The following WDR31 variants were observed in gnomAD, a reference collection of about 807,000 sequenced individuals.
The protein encoded by WDR31 is WD repeat-containing protein 31.
In WDR31, 30 loss-of-function variants were observed where a neutral mutation model predicts 47.3. That is an observed-to-expected ratio of 0.63 (90% CI 0.47 to 0.86). WDR31 has a LOEUF of 0.86. WDR31 is among the 40% of genes least tolerant of loss of function. The pLI is 0.00. For synonymous variants in WDR31, 137 were observed against 159.4 expected, an observed-to-expected ratio of 0.86 and a Z score of 1.06; for missense variants, 406 against 442.9, an observed-to-expected ratio of 0.92 and a Z score of 0.75.
chr9:113,335,756 C>T (rs1185745940), intron 2 of WDR31, among the ~76,000 whole-genome samples: 1 of 152,184 alleles, frequency 6.6e-6, no homozygotes, highest in East Asian at 1.9e-4. Context: ...TGCCTCATCC[C>T]ATTATGTGTC....
At chr9:113,328,326 C>T (rs1833521799) in intron 5 of WDR31, among the ~76,000 whole-genome samples, 1 of 152,098 alleles carries the variant, frequency 6.6e-6, no homozygotes, top group Admixed American at 6.6e-5. Context: ...GTGGCTGATG[C>T]CTAGTTTCAT....
In WDR31 at chr9:113,320,358, G is replaced by A. The variant is rs1477065154; in HGVS notation, c.779C>T (p.Thr260Met). The A allele has an allele frequency of 2.2e-5, 36 of 1,613,900 alleles. No homozygotes were observed. In the Admixed American group the frequency reaches 3.3e-4, roughly 15 times the overall value. The change falls in exon 9 of 11, where the codon ACG becomes ATG. Residue 260 changes from threonine (T) to methionine (M), a missense_variant and splice_region_variant. Thr to Met is a moderately conservative substitution (Grantham distance 81, BLOSUM62 -1). Transcript: ENST00000374193. ...CCTGGACCTCACACAGTCTCCTACCGTGGCTTCACAGCCTTCTCCTCCAAA... is the reference window on the plus strand; with the variant it reads ...CCTGGACCTCACACAGTCTCCTACCATGGCTTCACAGCCTTCTCCTCCAAA... ...NGFGGEGCEA[T>M]LWDLRQTRNR...
intron 1 of WDR31, among the ~76,000 whole-genome samples, chr9:113,338,189 T>C (rs1487049109): frequency 1.3e-5 from 2 of 152,234 alleles, no homozygotes; most frequent in Non-Finnish European, 2.9e-5. Context: ...ATACTGTTCA[T>C]AATGCACAAA....
chr9:113,322,548 A>C (rs1351204297), intron 7 of WDR31, among the ~76,000 whole-genome samples: 1 of 152,202 alleles, frequency 6.6e-6, no homozygotes, highest in Non-Finnish European at 1.5e-5. Context: ...CCCACAGAAG[A>C]AACAGAATAA....
chr9:113,339,848 C>T (rs1326489185), intron 1 of WDR31, among the ~76,000 whole-genome samples: 1 of 152,212 alleles, frequency 6.6e-6, no homozygotes, highest in East Asian at 1.9e-4. Context: ...TCTAGCAGTT[C>T]TCCTGCTTCA....
Position 113,330,634 on chromosome 9 carries a change from G to A in WDR31, c.249+350C>T, listed in dbSNP as rs541160482. ...CTGTGTCTCCATGTAGGTGTAACAT[G>A]GGATTGGTGGTAAGTATAATCTTTG... is the stretch of plus-strand genomic sequence containing the variant. On this transcript the variant is annotated intron_variant, in intron 4 of 10. Transcript: ENST00000374193. 3.3e-5 allele frequency among the ~76,000 whole-genome samples: 5 copies of A among 152,328 alleles called. No homozygotes were observed. The East Asian group carries it at 9.6e-4, about 29-fold the overall frequency.
chr9:113,324,475 C>T (rs1256595306), intron 5 of WDR31, among the ~76,000 whole-genome samples: 1 of 150,682 alleles, frequency 6.6e-6, no homozygotes, highest in East Asian at 1.9e-4. Context: ...CTGCAACCTT[C>T]CCTTCCCGGG....
chr9:113,322,717 T>C (rs1424576334), intron 7 of WDR31, 94 bp downstream of exon 7: 42 of 1,294,734 alleles, frequency 3.2e-5, no homozygotes, highest in Non-Finnish European at 4.3e-5. Flanking sequence ...GGCTCTAATT[T>C]CTGCTCATGG....
chr9:113,320,625 T>C (rs1332219710), intron 8 of WDR31, 127 bp from the exon 9 acceptor site: 15 of 1,241,674 alleles, frequency 1.2e-5, no homozygotes, highest in Non-Finnish European at 2.2e-6. Flanking sequence ...TGGCATGATT[T>C]ACCTAAAAAC....
chr9:113,326,769 T>C (rs749864622), intron 5 of WDR31, among the ~76,000 whole-genome samples: 10 of 152,252 alleles, frequency 6.6e-5, no homozygotes, highest in Non-Finnish European at 2.9e-5. Context: ...CTACCCTGCC[T>C]GGCCAATTTT....
At chr9:113,325,486 T>C (rs1833441460) in intron 5 of WDR31, among the ~76,000 whole-genome samples, 1 of 152,042 alleles carries the variant, frequency 6.6e-6, no homozygotes, top group Admixed American at 6.5e-5. Flanking sequence ...TTTCCCTTTA[T>C]ATTTTTAATT....
At chr9:113,328,796 G>A in intron 5 of WDR31, 85 bp downstream of exon 5, 2 of 1,202,916 alleles carry the variant, frequency 1.7e-6, no homozygotes, top group Non-Finnish European at 2.4e-6. Context: ...TAAGACCAAA[G>A]ATTCAATCAC....
intron 1 of WDR31, among the ~76,000 whole-genome samples, chr9:113,337,240 T>C (rs189294746): frequency 3.9e-4 from 59 of 152,260 alleles, no homozygotes; most frequent in African/African-American, 1.4e-3. Context: ...AATAACTCTA[T>C]CATTGACTTC....
chr9:113,331,947 TC>T lies in WDR31; in HGVS notation c.75del (p.Lys26AsnfsTer20). The T allele has an allele frequency of 6.2e-7, 1 of 1,613,944 alleles. No individual in the cohort carries two copies. Among genetic ancestry groups the T allele is most frequent in the Admixed American group, 1.7e-5 (1 of 60,010 alleles). Reference protein sequence around the residue: ...KVSFRFCVVMGKQQSKLKHST... With the variant: ...KVSFRFCVVMXKQQSKLKHST... ...CTGTGTTTGAGTTTGCTTTGCTGTT[TC>T]CCCATCACGACACAAAACCTAAACG... On this transcript the variant is annotated frameshift_variant, in exon 3 of 11. Transcript: ENST00000374193. LOFTEE classifies it high-confidence loss of function.
chr9:113,332,239 T>A (rs1293857149), intron 2 of WDR31, among the ~76,000 whole-genome samples, 189 bp from the exon 3 acceptor site: 1 of 152,130 alleles, frequency 6.6e-6, no homozygotes, highest in African/African-American at 2.4e-5. Context: ...GACTAAGAAG[T>A]CCTGTAATAA....
At position 113,331,041 on chromosome 9, in the gene WDR31, G is replaced by A. The variant is rs756403493; in HGVS notation, c.192C>T (p.Thr64=). Residue 64 remains threonine, a synonymous_variant, in exon 4 of 11, where the codon ACC becomes ACT. Transcript: ENST00000374193. The part of the protein sequence containing the change: ...FQEYSPAHMD[T]VSVVAALNSD... ...AGTTCAAAGCAGCCACGACAGAGAC[G>A]GTATCCATGTGAGCTGGGCTATACT... 55 of 1,611,904 alleles carry A rather than the reference G, an allele frequency of 3.4e-5. No individual in the cohort carries two copies. Among genetic ancestry groups the A allele is most frequent in the Middle Eastern group, 1.6e-4 (1 of 6,068 alleles).
At chr9:113,328,631 C>A (rs1833528322) in intron 5 of WDR31, among the ~76,000 whole-genome samples, 1 of 152,188 alleles carries the variant, frequency 6.6e-6, no homozygotes, top group African/African-American at 2.4e-5. Context: ...GAGTTGTTAT[C>A]AGCTGTGTTC....
intron 5 of WDR31, among the ~76,000 whole-genome samples, chr9:113,325,895 A>T (rs1833450843): frequency 6.7e-6 from 1 of 148,906 alleles, no homozygotes; most frequent in South Asian, 2.1e-4. Context: ...TTCATCATTC[A>T]TTCACATTCT....
Position 113,313,324 on chromosome 9 carries a change from C to G in WDR31, c.*3425G>C, listed in dbSNP as rs1032863221. On this transcript the variant is annotated 3_prime_UTR_variant, in exon 11 of 11. Coordinates refer to ENST00000374193, the MANE Select transcript of WDR31 (RefSeq NM_001012361.4). ...TTTCCTTCTCCTGGCAGCCTGTCCC[C>G]CTTCCCTGGGACCCCCTCCCAACTC... 1 of 152,230 alleles carries G rather than the reference C, an allele frequency of 6.6e-6. No homozygotes were observed. Among genetic ancestry groups the G allele is most frequent in the African/African-American group, 2.4e-5 (1 of 41,458 alleles). The allele number at this position is 152,230 out of a possible 1,614,324, so 9.4% of individuals were successfully genotyped here. A position where few individuals can be genotyped will look rare whatever the true frequency, so the allele number is the denominator to read the frequency against.
Sources: allele counts gnomAD v4.1 joint callset (sites outside exome capture counted in the v4.1 genomes callset), GRCh38; gene constraint gnomAD v4.1.1; transcripts MANE v1.5; gene names NCBI Gene and HGNC (gene_info 2026-07-23, HGNC 2026-07-21).